Variants in SAMD4A observed in about 807,000 individuals in gnomAD.
SAMD4A encodes protein Smaug homolog 1.
A neutral mutation model predicts 81.3 loss-of-function variants in SAMD4A; 33 were observed. The ratio of observed to expected loss-of-function variants is 0.41; its 90% CI spans 0.31 to 0.54. The LOEUF (loss-of-function observed/expected upper bound fraction) is 0.54. Ranked by LOEUF, SAMD4A falls within the 20% of genes least tolerant of loss-of-function variation. SAMD4A has a pLI of 0.37. For synonymous variants in SAMD4A, 389 were observed against 382.1 expected, an observed-to-expected ratio of 1.02 and a Z score of -0.21; for missense variants, 854 against 951.1, an observed-to-expected ratio of 0.90 and a Z score of 1.34.
chr14:54,645,372 A>C (rs2035264489), intron 2 of SAMD4A, among the ~76,000 whole-genome samples: 1 of 152,204 alleles, frequency 6.6e-6, no homozygotes, highest in Non-Finnish European at 1.5e-5. Flanking sequence ...TTCAGACATA[A>C]CTACTGTTAA....
intron 2 of SAMD4A, among the ~76,000 whole-genome samples, chr14:54,605,673 G>A (rs1435091460): frequency 6.6e-6 from 1 of 151,996 alleles, no homozygotes; most frequent in Non-Finnish European, 1.5e-5. Context: ...TAATTTTAAT[G>A]GCTATAATAA....
At chr14:54,584,786 A>G (rs1253887388) in intron 2 of SAMD4A, among the ~76,000 whole-genome samples, 1 of 152,198 alleles carries the variant, frequency 6.6e-6, no homozygotes, top group African/African-American at 2.4e-5. Flanking sequence ...TGGATGAAAT[A>G]GAATTTGACA....
chr14:54,569,794 G>C (rs962101639), intron 2 of SAMD4A, among the ~76,000 whole-genome samples: 1 of 152,226 alleles, frequency 6.6e-6, no homozygotes, highest in African/African-American at 2.4e-5. Context: ...AGTGCTGGTA[G>C]GGACTGTTCA....
chr14:54,618,962 T>C (rs1566550513), intron 2 of SAMD4A, among the ~76,000 whole-genome samples: 1 of 152,156 alleles, frequency 6.6e-6, no homozygotes, highest in Non-Finnish European at 1.5e-5. Context: ...TCTTTAAAAA[T>C]GCCAAAAATT....
At chr14:54,672,225 G>GT (rs112972392) in intron 2 of SAMD4A, among the ~76,000 whole-genome samples, 181 of 150,904 alleles carry the variant, frequency 1.2e-3, no homozygotes, top group East Asian at 2.9e-3. Context: ...ACATCCAGCT[G>GT]TTTTTTTTGT....
chr14:54,599,435 G>A (rs866482097), intron 2 of SAMD4A, among the ~76,000 whole-genome samples: 1 of 152,102 alleles, frequency 6.6e-6, no homozygotes, highest in Non-Finnish European at 1.5e-5. Context: ...TAGGATACCC[G>A]AGGTCCACAA....
chr14:54,588,922 C>T (rs1474261425), intron 2 of SAMD4A, among the ~76,000 whole-genome samples: 1 of 152,030 alleles, frequency 6.6e-6, no homozygotes, highest in Non-Finnish European at 1.5e-5. Flanking sequence ...ATTTTCTTCC[C>T]TTGGATGGTA....
At position 54,778,609 on chromosome 14, in the gene SAMD4A, G is replaced by A. The variant is rs192068166; in HGVS notation, c.2044+2069G>A. Among the ~76,000 whole-genome samples, 292 of 152,206 alleles carry A rather than the reference G, an allele frequency of 1.9e-3. 1 individual carries two copies. Among genetic ancestry groups the A allele is most frequent in the African/African-American group, 6.4e-3 (266 of 41,468 alleles). ...CACACTGGACTTAAAACTCTGGAAC[G>A]CTTTGAGTGTTTTTTTTAAAATCTC... On this transcript the variant is annotated intron_variant, in intron 11 of 12. Transcript: ENST00000554335.
At chr14:54,585,857 C>T (rs952742291) in intron 2 of SAMD4A, among the ~76,000 whole-genome samples, 1 of 152,118 alleles carries the variant, frequency 6.6e-6, no homozygotes, top group Non-Finnish European at 1.5e-5. Context: ...CATTTGGGCT[C>T]GTTCCATATT....
intron 2 of SAMD4A, among the ~76,000 whole-genome samples, chr14:54,581,650 C>T (rs1191059623): frequency 6.6e-6 from 1 of 152,206 alleles, no homozygotes; most frequent in East Asian, 1.9e-4. Context: ...CTCTGTATCC[C>T]TGCCTGTAAA....
intron 2 of SAMD4A, 47 bp from the exon 3 acceptor site, chr14:54,702,015 C>T: frequency 6.3e-7 from 1 of 1,580,930 alleles, no homozygotes; most frequent in Non-Finnish European, 8.6e-7. Flanking sequence ...TGTTTAGAGT[C>T]ACTGTGGGTG....
rs147637111 is a variant in SAMD4A at position 54,714,736 on chromosome 14, G to A, written c.715+12156G>A. On this transcript the variant is annotated intron_variant, in intron 3 of 12. Coordinates refer to ENST00000554335, the MANE Select transcript of SAMD4A (RefSeq NM_015589.6). ...CAGTAGGATAGCCCTTATTGTTGTC[G>A]TTATTACTGCTGGTAATAGTAAGGG... Among the ~76,000 whole-genome samples, 509 of 152,188 alleles carry A rather than the reference G, an allele frequency of 3.3e-3. 1 individual carries two copies. Among genetic ancestry groups the A allele is most frequent in the African/African-American group, 0.012 (496 of 41,518 alleles).
At chr14:54,624,613 C>T (rs1307940533) in intron 2 of SAMD4A, among the ~76,000 whole-genome samples, 2 of 152,236 alleles carry the variant, frequency 1.3e-5, no homozygotes, top group Non-Finnish European at 2.9e-5. Context: ...ATGCTGTCTC[C>T]TCTCTGAGTT....
At chr14:54,745,936 G>A (rs2037957817) in intron 4 of SAMD4A, among the ~76,000 whole-genome samples, 1 of 152,206 alleles carries the variant, frequency 6.6e-6, no homozygotes, top group African/African-American at 2.4e-5. Context: ...AAGGTAGATG[G>A]GAAGTTACAG....
chr14:54,603,434 C>G (rs2034114031), intron 2 of SAMD4A, among the ~76,000 whole-genome samples: 2 of 152,212 alleles, frequency 1.3e-5, no homozygotes, highest in Admixed American at 6.5e-5. Context: ...AGTGACTCAA[C>G]AATAGCTACC....
At chr14:54,709,509 G>A (rs1316088412) in intron 3 of SAMD4A, among the ~76,000 whole-genome samples, 1 of 152,066 alleles carries the variant, frequency 6.6e-6, no homozygotes, top group Non-Finnish European at 1.5e-5. Context: ...CATGAGATAA[G>A]GGAAGAGTGG....
In SAMD4A at chr14:54,790,852, C is replaced by T. The variant is rs1271548183; in HGVS notation, c.*1908C>T. 3.9e-5 allele frequency: 6 copies of T among 151,948 alleles called. No homozygotes were observed. The highest frequency in any genetic ancestry group is 3.9e-4 in the Admixed American group (6 of 15,264). The allele number at this position is 151,948 out of a possible 1,614,324, so 9.4% of individuals were successfully genotyped here. On this transcript the variant is annotated 3_prime_UTR_variant, in exon 13 of 13. Transcript: ENST00000554335. ...TACTTTCAAGATCAAAAACATGCAC[C>T]CAACCCAGCCTTGGATGCCACCACC...
intron 2 of SAMD4A, among the ~76,000 whole-genome samples, chr14:54,678,020 AAGAC>A (rs1242991188): frequency 1.3e-5 from 2 of 152,248 alleles, no homozygotes; most frequent in Non-Finnish European, 2.9e-5. Flanking sequence ...CCTACAACAA[AAGAC>A]AGATTTTAAC....
chr14:54,678,507 G>A, intron 2 of SAMD4A, among the ~76,000 whole-genome samples: 1 of 76,618 alleles, frequency 1.3e-5, no homozygotes, highest in Non-Finnish European at 3.3e-5. Context: ...GTGTGTGTGT[G>A]TGTGTGTGTA....
Sources: gnomAD v4.1 joint callset for allele counts (sites outside exome capture counted in the v4.1 genomes callset) on GRCh38, gnomAD v4.1.1 for gene constraint, MANE v1.5 for transcripts, NCBI Gene and HGNC (gene_info 2026-07-23, HGNC 2026-07-21) for gene names.